Variants in SPATA16 observed in about 807,000 individuals in gnomAD.
SPATA16 encodes spermatogenesis associated 16, also known as spermatogenesis-associated protein 16.
A neutral mutation model predicts 63.3 loss-of-function variants in SPATA16; 36 were observed. The ratio of observed to expected loss-of-function variants is 0.57; its 90% CI spans 0.44 to 0.75. SPATA16 has a LOEUF of 0.75. Among genes scored for constraint, SPATA16 ranks in the 30% least tolerant of loss-of-function variants. The pLI is 0.00. For synonymous variants in SPATA16, 203 were observed against 216.7 expected, an observed-to-expected ratio of 0.94 and a Z score of 0.56; for missense variants, 646 against 679.3, an observed-to-expected ratio of 0.95 and a Z score of 0.54.
intron 1 of SPATA16, among the ~76,000 whole-genome samples, chr3:173,121,347 CAGCCTTATTT>C (rs754437240): frequency 2.0e-5 from 3 of 151,956 alleles, no homozygotes; most frequent in Non-Finnish European, 2.9e-5. Context: ...TGTGTGTTTT[CAGCCTTATTT>C]AGCACTTCTC....
At chr3:172,958,789 A>C (rs9814222) in intron 5 of SPATA16, among the ~76,000 whole-genome samples, 6 of 151,540 alleles carry the variant, frequency 4.0e-5, no homozygotes, top group Admixed American at 6.6e-5. Flanking sequence ...GTGTGCACGC[A>C]CGTGTGTGTG....
chr3:173,103,934 T>G (rs1267192584), intron 2 of SPATA16, among the ~76,000 whole-genome samples: 3 of 152,234 alleles, frequency 2.0e-5, no homozygotes, highest in African/African-American at 7.2e-5. Flanking sequence ...GTCATTTATC[T>G]GCTCCTGCAT....
chr3:173,100,220 G>T (rs77917157), intron 2 of SPATA16, among the ~76,000 whole-genome samples: 13,756 of 152,184 alleles, frequency 0.09, 733 homozygotes, highest in East Asian at 0.17. Flanking sequence ...AAATATCACA[G>T]CACAATATTT....
In SPATA16 at chr3:172,913,289, A is replaced by G. The variant is rs1041127844; in HGVS notation, c.1587+372T>C. 3.3e-5 allele frequency among the ~76,000 whole-genome samples: 5 copies of G among 152,226 alleles called. No individual in the cohort carries two copies. The East Asian group carries it at 9.6e-4, about 29-fold the overall frequency. ...CTTTGTAGTTCCCTGAAATGTAGTC[A>G]TTATTCCTCAAGTGAAAAAAGTGGA... On this transcript the variant is annotated intron_variant, in intron 10 of 10. Transcript: ENST00000351008.
At chr3:173,050,085 G>A (rs1242361108) in intron 2 of SPATA16, among the ~76,000 whole-genome samples, 1 of 152,056 alleles carries the variant, frequency 6.6e-6, no homozygotes, top group African/African-American at 2.4e-5. Flanking sequence ...TCTAAATCCT[G>A]TTTGCTTAAA....
chr3:173,070,443 A>G (rs779144542), intron 2 of SPATA16, among the ~76,000 whole-genome samples: 21 of 151,942 alleles, frequency 1.4e-4, no homozygotes, highest in African/African-American at 4.3e-4. Context: ...TTTATTCAAC[A>G]TAGTACTAGA....
chr3:173,090,944 TAA>T (rs1737207304), intron 2 of SPATA16, among the ~76,000 whole-genome samples: 2 of 152,308 alleles, frequency 1.3e-5, no homozygotes, highest in South Asian at 2.1e-4. Context: ...CTTTTTTGAA[TAA>T]AGACTGCTAA....
chr3:172,910,965 C>T (rs1313364513), intron 10 of SPATA16, among the ~76,000 whole-genome samples: 1 of 152,226 alleles, frequency 6.6e-6, no homozygotes, highest in Non-Finnish European at 1.5e-5. Flanking sequence ...AACTCCAAAT[C>T]CGCTCTTTTA....
chr3:172,977,759 C>A (rs890927763), intron 4 of SPATA16, among the ~76,000 whole-genome samples: 5 of 152,034 alleles, frequency 3.3e-5, no homozygotes, highest in African/African-American at 1.2e-4. Context: ...CCAGAGATTC[C>A]AAATCCAATT....
intron 2 of SPATA16, among the ~76,000 whole-genome samples, chr3:173,079,500 C>G (rs1415141591): frequency 6.6e-6 from 1 of 152,024 alleles, no homozygotes; most frequent in African/African-American, 2.4e-5. Context: ...TTTTTAAATG[C>G]AATATGGAAG....
intron 1 of SPATA16, among the ~76,000 whole-genome samples, chr3:173,140,215 T>G (rs1194672675): frequency 6.6e-6 from 1 of 152,196 alleles, no homozygotes; most frequent in Non-Finnish European, 1.5e-5. Flanking sequence ...ACATGAAACT[T>G]AATCATAAAG....
intron 10 of SPATA16, among the ~76,000 whole-genome samples, chr3:172,902,107 G>A (rs976880306): frequency 3.3e-5 from 5 of 152,070 alleles, no homozygotes; most frequent in South Asian, 2.1e-4. Context: ...ACATGATCTC[G>A]GCTCACTGAA....
At chr3:173,016,999 G>C (rs1429755353) in intron 4 of SPATA16, among the ~76,000 whole-genome samples, 4 of 108,622 alleles carry the variant, frequency 3.7e-5, no homozygotes, top group African/African-American at 1.5e-4. Context: ...CTGGGCAGCA[G>C]AACAAGACTG....
chr3:172,980,783 A>C (rs1734288842), intron 4 of SPATA16, among the ~76,000 whole-genome samples: 1 of 152,202 alleles, frequency 6.6e-6, no homozygotes, highest in African/African-American at 2.4e-5. Flanking sequence ...ACAAAACAAA[A>C]TACCCCAAAA....
intron 2 of SPATA16, among the ~76,000 whole-genome samples, chr3:173,068,478 A>C (rs558160973): frequency 6.6e-6 from 1 of 152,234 alleles, no homozygotes; most frequent in East Asian, 1.9e-4. Context: ...TAGTAACCAC[A>C]AAACAAAACC....
chr3:173,103,468 C>T (rs576235441), intron 2 of SPATA16, among the ~76,000 whole-genome samples: 1 of 152,366 alleles, frequency 6.6e-6, no homozygotes, highest in Admixed American at 6.5e-5. Context: ...CACTCTTGCA[C>T]TCTGCACACC....
chr3:173,090,060 T>C (rs1307684488), intron 2 of SPATA16, among the ~76,000 whole-genome samples: 1 of 152,156 alleles, frequency 6.6e-6, no homozygotes, highest in African/African-American at 2.4e-5. Flanking sequence ...GAAAAAATGT[T>C]GATATAGTTT....
chr3:172,997,987 T>C (rs1307438572), intron 4 of SPATA16, among the ~76,000 whole-genome samples: 1 of 152,158 alleles, frequency 6.6e-6, no homozygotes, highest in Non-Finnish European at 1.5e-5. Flanking sequence ...TCTCTGACTT[T>C]GTTCTTCCCC....
intron 2 of SPATA16, among the ~76,000 whole-genome samples, chr3:173,079,145 T>C (rs560121675): frequency 7.4e-4 from 112 of 152,192 alleles, no homozygotes; most frequent in Non-Finnish European, 1.3e-3. Context: ...CTGTGTGAAA[T>C]ATGTTATTGT....
Sources: gnomAD v4.1 joint callset for allele counts (sites outside exome capture counted in the v4.1 genomes callset) on GRCh38, gnomAD v4.1.1 for gene constraint, MANE v1.5 for transcripts, NCBI Gene and HGNC (gene_info 2026-07-23, HGNC 2026-07-21) for gene names.